ZDBF2: variants seen among roughly 807,000 people sequenced by gnomAD.
ZDBF2 encodes zinc finger DBF-type containing 2.
Under a neutral mutation model 9.4 loss-of-function variants are expected in ZDBF2, and 6 were observed. The ratio of observed to expected loss-of-function variants is 0.64; its 90% CI spans 0.35 to 1.27. The LOEUF is 1.27. Among genes scored for constraint, ZDBF2 ranks in the 50% most tolerant of loss-of-function variants. The pLI is 0.03. For synonymous variants in ZDBF2, 905 were observed against 946.3 expected (o/e 0.96, Z 0.80); for missense variants, 2,697 against 2,766.8 (o/e 0.97, Z 0.57).
chr2:206,298,154 T>C (rs1216664958), intron 4 of ZDBF2, among the ~76,000 whole-genome samples: 1 of 152,250 alleles, frequency 6.6e-6, no homozygotes, highest in Admixed American at 6.5e-5. Flanking sequence ...TAGCTTTTCT[T>C]GTATCCATTT....
In ZDBF2 at chr2:206,310,800, G is replaced by A. The variant is rs1347302530; in HGVS notation, c.6272G>A (p.Ser2091Asn). ...TTTAATAGGAGCAACCAAAACTCCAGTGCAGGAGATAATGATGCTGATGGA... is the reference window on the plus strand; with the variant it reads ...TTTAATAGGAGCAACCAAAACTCCAATGCAGGAGATAATGATGCTGATGGA... ...IHFNRSNQNSSAGDNDADGQG... is the reference protein window; with the variant it reads ...IHFNRSNQNSNAGDNDADGQG... Residue 2091 changes from serine to asparagine, a missense_variant, in exon 5 of 5, where the codon AGT becomes AAT. Physicochemically the swap from Ser to Asn is conservative, Grantham distance 46 (BLOSUM62 1). Coordinates refer to ENST00000374423, the MANE Select transcript of ZDBF2 (RefSeq NM_020923.3). The A allele has an allele frequency of 1.2e-6, 2 of 1,614,010 alleles. No individual in the cohort carries two copies. Among genetic ancestry groups the A allele is most frequent in the South Asian group, 2.2e-5 (2 of 91,088 alleles).
At position 206,308,739 on chromosome 2, in the gene ZDBF2, A is replaced by G. The variant is rs747460506; in HGVS notation, c.4211A>G (p.Lys1404Arg). Residue 1404 changes from lysine to arginine, a missense_variant, in exon 5 of 5, where the codon AAA becomes AGA. Coordinates refer to ENST00000374423, the MANE Select transcript of ZDBF2 (RefSeq NM_020923.3). The stretch of plus-strand genomic sequence containing the variant: ...ATTTACCTGGAAGATAAGAGCTATA[A>G]ATTAGGTGATTTTGATGTAAGTTAT... ...DHIYLEDKSY[K>R]LGDFDVSYAS... is the part of the protein sequence containing the mutation. The G allele has an allele frequency of 6.2e-7, 1 of 1,613,394 alleles. No individual in the cohort carries two copies. The highest frequency in any genetic ancestry group is 8.5e-7 in the Non-Finnish European group (1 of 1,179,764).
intron 3 of ZDBF2, among the ~76,000 whole-genome samples, chr2:206,291,843 A>G (rs184123120): frequency 1.2e-4 from 18 of 152,324 alleles, no homozygotes; most frequent in Admixed American, 8.5e-4. Flanking sequence ...AAAGCAGTGA[A>G]GTAATATGGG....
chr2:206,301,931 C>G (rs1163445123), intron 4 of ZDBF2, among the ~76,000 whole-genome samples: 1 of 150,448 alleles, frequency 6.6e-6, no homozygotes, highest in Non-Finnish European at 1.5e-5. Flanking sequence ...GGCCATATCT[C>G]ATAGTTTTTA....
chr2:206,294,789 C>T (rs776825946), intron 3 of ZDBF2, among the ~76,000 whole-genome samples: 4 of 152,112 alleles, frequency 2.6e-5, no homozygotes, highest in Admixed American at 6.5e-5. Context: ...GGATGATGGC[C>T]TCCAGCTGTA....
At chr2:206,297,394 A>G in intron 4 of ZDBF2, 21 bp downstream of exon 4, 1 of 1,604,802 alleles carries the variant, frequency 6.2e-7, no homozygotes, top group Non-Finnish European at 8.5e-7. Context: ...TGATTGGAAT[A>G]ATATTTATAC....
At chr2:206,303,434 T>C (rs72948957) in intron 4 of ZDBF2, among the ~76,000 whole-genome samples, 17,305 of 152,092 alleles carry the variant, frequency 0.11, 1,222 homozygotes, top group East Asian at 0.16. Flanking sequence ...AATGAATGTT[T>C]GCCCGACTTT....
chr2:206,296,021 T>C (rs1395081398), intron 3 of ZDBF2, among the ~76,000 whole-genome samples: 1 of 152,184 alleles, frequency 6.6e-6, no homozygotes, highest in Non-Finnish European at 1.5e-5. Flanking sequence ...AACCCTGTTC[T>C]CTCTCTTAAC....
intron 4 of ZDBF2, among the ~76,000 whole-genome samples, chr2:206,303,080 T>A (rs963967923): frequency 6.6e-6 from 1 of 151,816 alleles, no homozygotes; most frequent in African/African-American, 2.4e-5. Flanking sequence ...TTATTCAGAC[T>A]TCTTAGTTTC....
At chr2:206,294,666 C>A (rs1159800203) in intron 3 of ZDBF2, among the ~76,000 whole-genome samples, 2 of 152,134 alleles carry the variant, frequency 1.3e-5, no homozygotes, top group African/African-American at 4.8e-5. Context: ...GACCCAGTGT[C>A]TCCCAGTGCC....
chr2:206,285,620 A>C (rs1468343697), intron 3 of ZDBF2, among the ~76,000 whole-genome samples: 3 of 152,026 alleles, frequency 2.0e-5, no homozygotes, highest in Non-Finnish European at 4.4e-5. Context: ...CACTCTGTTG[A>C]TTGTCCTTTG....
Position 206,309,638 on chromosome 2 carries a change from C to T in ZDBF2, c.5110C>T (p.Gln1704Ter), listed in dbSNP as rs1200524715. The change falls in exon 5 of 5, where the codon CAG becomes TAG. Residue 1704 changes from glutamine (Q) to a stop codon, truncating the protein, a stop_gained. Coordinates refer to ENST00000374423, the MANE Select transcript of ZDBF2 (RefSeq NM_020923.3). LOFTEE classifies it low-confidence loss of function (END_TRUNC). ...RNAGLKGKSC[Q>*]SSASAVDFGA... ...TGCTGGCCTAAAAGGTAAGAGCTGT[C>T]AGTCTAGTGCTTCTGCAGTGGATTT... The T allele has an allele frequency of 6.2e-7, 1 of 1,613,788 alleles. No homozygotes were observed.
Position 206,302,381 on chromosome 2 carries a change from GA to G in ZDBF2, c.189-2335del, listed in dbSNP as rs552844958. Among the ~76,000 whole-genome samples the G allele has an allele frequency of 3.1e-3, 468 of 152,170 alleles. 13 individuals carry two copies. The highest frequency in any genetic ancestry group is 4.6e-4 in the Non-Finnish European group (31 of 68,006). On this transcript the variant is annotated intron_variant, in intron 4 of 4. Coordinates refer to ENST00000374423, the MANE Select transcript of ZDBF2 (RefSeq NM_020923.3). The stretch of plus-strand genomic sequence containing the variant: ...TTTTTGTTGTTGTGTGGTTACAAAT[GA>G]TGAGTTAAATGTGGATTATGATTTA...
chr2:206,279,136 A>G (rs1275152470), intron 1 of ZDBF2, among the ~76,000 whole-genome samples: 1 of 152,228 alleles, frequency 6.6e-6, no homozygotes, highest in Non-Finnish European at 1.5e-5. Context: ...TAGGTGTTAA[A>G]AGAATTGACA....
rs1574388295 is a variant in ZDBF2 at position 206,288,249 on chromosome 2, T to C, written c.60+6340T>C. On this transcript the variant is annotated intron_variant, in intron 3 of 4. Coordinates refer to ENST00000374423, the MANE Select transcript of ZDBF2 (RefSeq NM_020923.3). ...ACTTTTACCTGCAGTTGGGCTTTAA[T>C]GTTCTAGTTGGGAGAGTGTGGTTAC... is the stretch of plus-strand genomic sequence containing the variant. Among the ~76,000 whole-genome samples, 7 of 152,366 alleles carry C rather than the reference T, an allele frequency of 4.6e-5. No individual in the cohort carries two copies. The South Asian group carries it at 1.4e-3, about 32-fold the overall frequency.
Position 206,312,802 on chromosome 2 carries a change from A to G in ZDBF2, c.*1209A>G, listed in dbSNP as rs1259139312. 1 of 152,258 alleles carries G rather than the reference A, an allele frequency of 6.6e-6. No individual in the cohort carries two copies. The highest frequency in any genetic ancestry group is 2.1e-4 in the South Asian group (1 of 4,836). The allele number at this position is 152,258 out of a possible 1,614,324, so 9.4% of individuals were successfully genotyped here. On this transcript the variant is annotated 3_prime_UTR_variant, in exon 5 of 5. Transcript: ENST00000374423. ...TTAATTCTCATTAGAAAATTACTTA[A>G]TATTTCAAAAAATTGAATAAAACTG...
intron 4 of ZDBF2, among the ~76,000 whole-genome samples, chr2:206,301,300 A>G (rs959324163): frequency 2.6e-5 from 4 of 152,048 alleles, no homozygotes; most frequent in Non-Finnish European, 4.4e-5. Flanking sequence ...TTTTAACTGT[A>G]TATGTTATTC....
intron 1 of ZDBF2, among the ~76,000 whole-genome samples, chr2:206,275,182 T>TG (rs1308718250): frequency 6.6e-6 from 1 of 151,288 alleles, no homozygotes; most frequent in Non-Finnish European, 1.5e-5. Context: ...GGGAAGGAGG[T>TG]GGGGCGCAGG....
intron 3 of ZDBF2, among the ~76,000 whole-genome samples, chr2:206,296,796 A>C (rs1471651303): frequency 1.1e-4 from 17 of 151,976 alleles, no homozygotes; most frequent in Admixed American, 1.0e-3. Flanking sequence ...TGTTATTAAA[A>C]ATTTTCTAAA....
Sources: allele counts gnomAD v4.1 joint callset (sites outside exome capture counted in the v4.1 genomes callset), GRCh38; gene constraint gnomAD v4.1.1; transcripts MANE v1.5; gene names NCBI Gene and HGNC (gene_info 2026-07-23, HGNC 2026-07-21).